PLCB1: variants seen among roughly 807,000 people sequenced by gnomAD.
PLCB1 encodes the protein 1-phosphatidylinositol 4,5-bisphosphate phosphodiesterase beta-1.
In PLCB1, 46 loss-of-function variants were observed where a neutral mutation model predicts 161.8. That is an observed-to-expected ratio of 0.28 (90% CI 0.22 to 0.36). The LOEUF is 0.36. Among genes scored for constraint, PLCB1 ranks in the 10% least tolerant of loss-of-function variants. The pLI is 1.00. For missense variants in PLCB1, 1,016 were observed against 1,472.5 expected (o/e 0.69, Z 5.07); for synonymous variants, 517 against 503.7 (o/e 1.03, Z -0.35).
intron 2 of PLCB1, among the ~76,000 whole-genome samples, chr20:8,168,852 T>C (rs1371274299): frequency 6.6e-6 from 1 of 152,124 alleles, no homozygotes; most frequent in Non-Finnish European, 1.5e-5. Context: ...TGGGATTCTT[T>C]ACTGCAGAAA....
chr20:8,618,232 G>T (rs768965545), intron 3 of PLCB1, among the ~76,000 whole-genome samples: 70 of 152,086 alleles, frequency 4.6e-4, no homozygotes, highest in Non-Finnish European at 8.7e-4. Flanking sequence ...AAAAATAATT[G>T]CCTAAAAATT....
chr20:8,659,004 A>G (rs73597535), intron 9 of PLCB1, among the ~76,000 whole-genome samples: 249 of 152,270 alleles, frequency 1.6e-3, no homozygotes, highest in African/African-American at 5.9e-3. Context: ...ACAGGAAATC[A>G]CTATCTTTAG....
chr20:8,768,341 A>G (rs1241022676), intron 26 of PLCB1, among the ~76,000 whole-genome samples: 1 of 151,982 alleles, frequency 6.6e-6, no homozygotes, highest in Non-Finnish European at 1.5e-5. Flanking sequence ...CTCTACCTCC[A>G]TTATCACATG....
intron 22 of PLCB1, among the ~76,000 whole-genome samples, chr20:8,740,903 G>A (rs1980842306): frequency 6.6e-6 from 1 of 152,190 alleles, no homozygotes; most frequent in Non-Finnish European, 1.5e-5. Context: ...GGGGAGTAGT[G>A]GAGACCATGG....
intron 31 of PLCB1, among the ~76,000 whole-genome samples, chr20:8,810,828 GT>G: frequency 6.6e-6 from 1 of 152,312 alleles, no homozygotes; most frequent in Non-Finnish European, 1.5e-5. Context: ...GCTAGCTGTG[GT>G]GGTGCATGCT....
intron 3 of PLCB1, among the ~76,000 whole-genome samples, chr20:8,569,084 C>G (rs1986427118): frequency 6.6e-6 from 1 of 152,164 alleles, no homozygotes; most frequent in South Asian, 2.1e-4. Context: ...GGGAGCTCTC[C>G]CTTGAAATGC....
intron 2 of PLCB1, among the ~76,000 whole-genome samples, chr20:8,251,355 A>T (rs756646945): frequency 2.6e-5 from 4 of 151,950 alleles, no homozygotes; most frequent in Admixed American, 2.0e-4. Flanking sequence ...TCAAGGAGAA[A>T]AGCTTTATAT....
At chr20:8,671,072 C>CT (rs1244688738) in intron 9 of PLCB1, among the ~76,000 whole-genome samples, 1 of 152,156 alleles carries the variant, frequency 6.6e-6, no homozygotes, top group Non-Finnish European at 1.5e-5. Context: ...ATCCAAACAT[C>CT]TGAGTGCCAG....
intron 2 of PLCB1, among the ~76,000 whole-genome samples, chr20:8,321,937 T>C (rs927096565): frequency 6.6e-6 from 1 of 152,132 alleles, no homozygotes; most frequent in Non-Finnish European, 1.5e-5. Flanking sequence ...ATGTTTTCAG[T>C]TACATGCTGG....
intron 24 of PLCB1, among the ~76,000 whole-genome samples, chr20:8,757,543 A>G (rs1358512523): frequency 6.6e-6 from 1 of 152,196 alleles, no homozygotes; most frequent in East Asian, 1.9e-4. Context: ...ATTCTGTGCC[A>G]AGGGCTCCTT....
intron 3 of PLCB1, among the ~76,000 whole-genome samples, chr20:8,602,630 T>A (rs956677812): frequency 8.5e-5 from 13 of 152,164 alleles, no homozygotes; most frequent in African/African-American, 3.1e-4. Context: ...AGTGAGTGCT[T>A]AAAAGTGTTC....
At chr20:8,232,225 A>AAGAGAGAGAG (rs35927160) in intron 2 of PLCB1, among the ~76,000 whole-genome samples, 3 of 148,378 alleles carry the variant, frequency 2.0e-5, no homozygotes, top group African/African-American at 7.5e-5. Context: ...CTCTTTAAAA[A>AAGAGAGAGAG]AGAGAGAGAG....
chr20:8,204,498 G>C (rs1319115863), intron 2 of PLCB1, among the ~76,000 whole-genome samples: 1 of 152,008 alleles, frequency 6.6e-6, no homozygotes, highest in Non-Finnish European at 1.5e-5. Flanking sequence ...CTGGAGATGG[G>C]GCCTGGTGGA....
intron 7 of PLCB1, chr20:8,651,621 C>T: frequency 1.6e-6 from 1 of 644,296 alleles, no homozygotes; most frequent in Non-Finnish European, 2.8e-6. Context: ...TTACTATGTG[C>T]CCATAGGCAT....
chr20:8,631,170 G>T (rs546654724), intron 4 of PLCB1, among the ~76,000 whole-genome samples: 5 of 152,146 alleles, frequency 3.3e-5, no homozygotes, highest in Non-Finnish European at 5.9e-5. Context: ...CAGATTGTTG[G>T]GCCCCAGCCC....
intron 2 of PLCB1, among the ~76,000 whole-genome samples, chr20:8,164,702 T>G (rs2051658635): frequency 1.3e-5 from 2 of 152,212 alleles, no homozygotes; most frequent in Admixed American, 1.3e-4. Context: ...GGACTCACTT[T>G]TGTTATCTTG....
intron 3 of PLCB1, among the ~76,000 whole-genome samples, chr20:8,488,144 A>C (rs1430231902): frequency 6.6e-6 from 1 of 152,242 alleles, no homozygotes; most frequent in Non-Finnish European, 1.5e-5. Flanking sequence ...GAAACATGAA[A>C]ATTCTAAAAA....
intron 2 of PLCB1, among the ~76,000 whole-genome samples, chr20:8,327,875 A>G (rs931690362): frequency 2.0e-5 from 3 of 151,710 alleles, no homozygotes; most frequent in African/African-American, 4.9e-5. Context: ...TATATTATAT[A>G]ATGTGTACAT....
At chr20:8,418,816 C>T (rs1979412556) in intron 3 of PLCB1, among the ~76,000 whole-genome samples, 1 of 152,134 alleles carries the variant, frequency 6.6e-6, no homozygotes, top group African/African-American at 2.4e-5. Flanking sequence ...GACTCTAACC[C>T]AACTATCCTA....
Sources: gnomAD v4.1 joint callset for allele counts (sites outside exome capture counted in the v4.1 genomes callset) on GRCh38, gnomAD v4.1.1 for gene constraint, MANE v1.5 for transcripts, NCBI Gene and HGNC (gene_info 2026-07-23, HGNC 2026-07-21) for gene names.